The following ITPR2 variants were observed in gnomAD, a reference collection of about 807,000 sequenced individuals.
ITPR2 encodes the protein inositol 1,4,5-trisphosphate-gated calcium channel ITPR2.
ITPR2 carries 207 observed loss-of-function variants against 317.1 expected under a neutral mutation model. That is an observed-to-expected ratio of 0.65 (90% CI 0.58 to 0.73). The LOEUF is 0.73. ITPR2 is among the 30% of genes least tolerant of loss of function. The pLI is 0.00. For missense variants in ITPR2, 2,613 were observed against 3,284.0 expected (o/e 0.80, Z 4.99); for synonymous variants, 1,156 against 1,149.1 (o/e 1.01, Z -0.12).
chr12:26,548,940 T>C (rs944083063), intron 37 of ITPR2, among the ~76,000 whole-genome samples: 2 of 152,218 alleles, frequency 1.3e-5, no homozygotes, highest in African/African-American at 4.8e-5. Flanking sequence ...TTTGGAGTAA[T>C]TCAATAAAAA....
intron 13 of ITPR2, among the ~76,000 whole-genome samples, chr12:26,680,151 G>T (rs1336073306): frequency 2.0e-5 from 3 of 151,886 alleles, no homozygotes; most frequent in Non-Finnish European, 4.4e-5. Flanking sequence ...GGAATTTAAA[G>T]GTGCAGCCCT....
At chr12:26,820,682 T>C (rs1565789185) in intron 1 of ITPR2, among the ~76,000 whole-genome samples, 1 of 152,190 alleles carries the variant, frequency 6.6e-6, no homozygotes. Context: ...ACATAAATAT[T>C]CACAGCTGCA....
intron 37 of ITPR2, among the ~76,000 whole-genome samples, chr12:26,500,072 C>A (rs779279320): frequency 1.6e-4 from 24 of 152,184 alleles, no homozygotes; most frequent in South Asian, 2.1e-4. Context: ...TGCTACATCA[C>A]AAGTTCAGCA....
intron 9 of ITPR2, among the ~76,000 whole-genome samples, chr12:26,708,140 G>A (rs111904547): frequency 5.9e-5 from 9 of 152,148 alleles, no homozygotes; most frequent in African/African-American, 2.2e-4. Context: ...ACCCTCACAT[G>A]GTTGGTAGGA....
At chr12:26,614,286 T>C (rs1001922604) in intron 26 of ITPR2, among the ~76,000 whole-genome samples, 3 of 151,842 alleles carry the variant, frequency 2.0e-5, no homozygotes, top group African/African-American at 7.3e-5. Flanking sequence ...ATGACAATAC[T>C]AGATCTGCAA....
chr12:26,460,686 A>G lies in ITPR2; in HGVS notation c.6342+14610T>C, dbSNP rs371811010. On this transcript the variant is annotated intron_variant, in intron 45 of 56. Transcript: ENST00000381340. ...ATATCCAGGATATACGGTAAAAAGC[A>G]ATTGCAGGCCCTACTCCAGATATTC... Among the ~76,000 whole-genome samples, 632 of 152,242 alleles carry G rather than the reference A, an allele frequency of 4.2e-3. 5 individuals carry two copies. Among genetic ancestry groups the G allele is most frequent in the South Asian group, 0.016 (77 of 4,816 alleles).
At chr12:26,655,235 A>G (rs1947344081) in intron 20 of ITPR2, among the ~76,000 whole-genome samples, 1 of 152,228 alleles carries the variant, frequency 6.6e-6, no homozygotes, top group South Asian at 2.1e-4. Flanking sequence ...AAATGAAACA[A>G]AAAATCAAGG....
At chr12:26,791,127 G>T (rs1950332633) in intron 1 of ITPR2, among the ~76,000 whole-genome samples, 1 of 152,166 alleles carries the variant, frequency 6.6e-6, no homozygotes, top group East Asian at 1.9e-4. Flanking sequence ...ATATTTATGA[G>T]AAGACAATTT....
chr12:26,772,934 G>A (rs1163966381), intron 2 of ITPR2, among the ~76,000 whole-genome samples: 1 of 151,876 alleles, frequency 6.6e-6, no homozygotes, highest in East Asian at 1.9e-4. Context: ...GCCCCAGTAT[G>A]TGATTTTCCC....
intron 13 of ITPR2, among the ~76,000 whole-genome samples, chr12:26,667,018 A>G (rs941563373): frequency 6.6e-6 from 1 of 152,242 alleles, no homozygotes; most frequent in Non-Finnish European, 1.5e-5. Context: ...CAATAAACAC[A>G]TACTTTTTTT....
intron 13 of ITPR2, among the ~76,000 whole-genome samples, chr12:26,669,563 A>C (rs1947701660): frequency 6.6e-6 from 1 of 152,346 alleles, no homozygotes; most frequent in Non-Finnish European, 1.5e-5. Context: ...AAGTCGGGGG[A>C]GGAGCCAAGA....
intron 45 of ITPR2, among the ~76,000 whole-genome samples, chr12:26,470,272 A>G (rs1209583885): frequency 6.6e-6 from 1 of 152,222 alleles, no homozygotes; most frequent in Non-Finnish European, 1.5e-5. Context: ...TTATTTTTGC[A>G]TTATGACATG....
At chr12:26,772,449 A>G (rs1949867558) in intron 2 of ITPR2, among the ~76,000 whole-genome samples, 1 of 99,342 alleles carries the variant, frequency 1.0e-5, no homozygotes, top group South Asian at 3.1e-4. Context: ...TATTATATAT[A>G]TTATATATAT....
chr12:26,790,125 C>T lies in ITPR2; in HGVS notation c.163+32G>A, dbSNP rs376432660. 5 of 1,439,474 alleles carry T rather than the reference C, an allele frequency of 3.5e-6. No homozygotes were observed. In the African/African-American group the frequency reaches 7.0e-5, roughly 20 times the overall value. 89.2% of individuals were successfully genotyped at this position (1,439,474 alleles called of 1,614,324 possible). A position where few individuals can be genotyped will look rare whatever the true frequency, so the allele number is the denominator to read the frequency against. Reference sequence around the variant, plus strand: ...ATAAAAATAATCCTCCCTCTTAGCTCACACAATTAAAAAAATATATGTATT... The same window carrying T: ...ATAAAAATAATCCTCCCTCTTAGCTTACACAATTAAAAAAATATATGTATT... On this transcript the variant is annotated intron_variant, in intron 2 of 56. Coordinates refer to ENST00000381340, the MANE Select transcript of ITPR2 (RefSeq NM_002223.4).
chr12:26,461,484 G>A (rs1232490702), intron 45 of ITPR2, among the ~76,000 whole-genome samples: 1 of 151,760 alleles, frequency 6.6e-6, no homozygotes, highest in Non-Finnish European at 1.5e-5. Context: ...GCAGAGTTGA[G>A]TATCTGCAAC....
intron 36 of ITPR2, 90 bp downstream of exon 36, chr12:26,556,143 T>C: frequency 3.1e-6 from 4 of 1,278,780 alleles, no homozygotes; most frequent in Non-Finnish European, 4.3e-6. Context: ...TTGCGGACTG[T>C]CATTTTATAT....
intron 37 of ITPR2, among the ~76,000 whole-genome samples, chr12:26,512,761 C>T (rs1943386018): frequency 1.3e-5 from 2 of 152,032 alleles, no homozygotes; most frequent in Non-Finnish European, 2.9e-5. Context: ...CTTACATTGA[C>T]TGAGACCTGT....
chr12:26,516,326 G>GGAAAA (rs1943515448), intron 37 of ITPR2, among the ~76,000 whole-genome samples: 1 of 148,200 alleles, frequency 6.7e-6, no homozygotes, highest in African/African-American at 2.5e-5. Flanking sequence ...GGAAAGGAAA[G>GGAAAA]GAAAGGAAAG....
chr12:26,716,814 G>A (rs11048669), intron 5 of ITPR2, among the ~76,000 whole-genome samples: 6,413 of 152,140 alleles, frequency 0.042, 197 homozygotes, highest in Non-Finnish European at 0.066. Flanking sequence ...TTGGGCATCC[G>A]ATTCACTCAT....
Sources: gnomAD v4.1 joint callset for allele counts (sites outside exome capture counted in the v4.1 genomes callset) on GRCh38, gnomAD v4.1.1 for gene constraint, MANE v1.5 for transcripts, NCBI Gene and HGNC (gene_info 2026-07-23, HGNC 2026-07-21) for gene names.